Variants in COL6A6 observed in about 807,000 individuals in gnomAD.
COL6A6 encodes the protein collagen type VI alpha 6 chain.
In COL6A6, 183 loss-of-function variants were observed where a neutral mutation model predicts 208.6. The ratio of observed to expected loss-of-function variants is 0.88; its 90% CI spans 0.78 to 0.99. The LOEUF is 0.99. COL6A6 is among the 50% of genes least tolerant of loss of function. The pLI is 0.00. For missense variants in COL6A6, 2,816 were observed against 2,815.2 expected (o/e 1.00, Z -0.01); for synonymous variants, 973 against 1,011.8 (o/e 0.96, Z 0.73).
At chr3:130,611,774 C>T (rs1310017920) in intron 23 of COL6A6, among the ~76,000 whole-genome samples, 5 of 152,142 alleles carry the variant, frequency 3.3e-5, no homozygotes, top group African/African-American at 1.2e-4. Context: ...TATCTCATGA[C>T]ACTATTTTTT....
intron 32 of COL6A6, among the ~76,000 whole-genome samples, chr3:130,646,139 TATA>T (rs2065455777): frequency 6.6e-6 from 1 of 151,912 alleles, no homozygotes; most frequent in East Asian, 1.9e-4. Context: ...AAACTTAAAG[TATA>T]ATAATAATAA....
At position 130,593,191 on chromosome 3, in the gene COL6A6, T is replaced by C. The variant is rs1370790492; in HGVS notation, c.4417-8T>C. On this transcript the variant is annotated splice_region_variant and splice_polypyrimidine_tract_variant and intron_variant, in intron 16 of 36. Coordinates refer to ENST00000358511, the MANE Select transcript of COL6A6 (RefSeq NM_001102608.3). Reference sequence around the variant, plus strand: ...TTCTATTAATAGCTTTCCCTTCTTGTTTTTTAGGGTGATAATGGTCTTCCT... The same window carrying C: ...TTCTATTAATAGCTTTCCCTTCTTGCTTTTTAGGGTGATAATGGTCTTCCT... The C allele has an allele frequency of 1.2e-6, 2 of 1,612,806 alleles. No homozygotes were observed. The highest frequency in any genetic ancestry group is 3.3e-5 in the Admixed American group (2 of 60,012).
intron 28 of COL6A6, among the ~76,000 whole-genome samples, chr3:130,640,949 C>A (rs1252524903): frequency 6.6e-6 from 1 of 152,192 alleles, no homozygotes; most frequent in Non-Finnish European, 1.5e-5. Flanking sequence ...TCCTAGCAAT[C>A]TTCCCTAAGG....
At chr3:130,663,087 A>G (rs1328175145) in intron 35 of COL6A6, among the ~76,000 whole-genome samples, 3 of 152,182 alleles carry the variant, frequency 2.0e-5, no homozygotes, top group Non-Finnish European at 4.4e-5. Context: ...ACACAGGCAA[A>G]AGAGTACCCG....
At chr3:130,628,133 C>CCATCT (rs1444031609) in intron 26 of COL6A6, among the ~76,000 whole-genome samples, 4 of 151,918 alleles carry the variant, frequency 2.6e-5, no homozygotes, top group Admixed American at 6.6e-5. Context: ...ATGCAAGAGG[C>CCATCT]CATCTGGAAG....
rs576616768 is a variant in COL6A6, at chr3:130,584,909, C to T, written c.3971-1597C>T. 1.5e-4 allele frequency among the ~76,000 whole-genome samples: 23 copies of T among 152,208 alleles called. No individual in the cohort carries two copies. The East Asian group carries it at 3.1e-3, about 20-fold the overall frequency. ...GATTACAGGTGTGAGCCACCGCACC[C>T]GGCCTCTTTCTTTCTTCCACTGCAG... is the stretch of plus-strand genomic sequence containing the variant. On this transcript the variant is annotated intron_variant, in intron 10 of 36. Transcript: ENST00000358511.
At chr3:130,529,245 G>A (rs2062028991) in intron 1 of COL6A6, among the ~76,000 whole-genome samples, 1 of 143,962 alleles carries the variant, frequency 6.9e-6, no homozygotes, top group African/African-American at 2.6e-5. Flanking sequence ...ATGAAGGGGG[G>A]AAAAACACAG....
intron 13 of COL6A6, among the ~76,000 whole-genome samples, chr3:130,591,425 G>A (rs1021042721): frequency 1.7e-4 from 26 of 151,980 alleles, no homozygotes; most frequent in African/African-American, 5.6e-4. Context: ...GTGTATCAAG[G>A]ACCCCACTCT....
chr3:130,557,780 G>A lies in COL6A6; in HGVS notation c.-31-2554G>A, dbSNP rs146976278. ...GGAGCAGAAGTTTCTCTGAGACTCC[G>A]CGTTCTTAATAGCCCCAAGAGGTGT... On this transcript the variant is annotated intron_variant, in intron 1 of 36. Transcript: ENST00000358511. 2.0e-3 allele frequency among the ~76,000 whole-genome samples: 304 copies of A among 152,240 alleles called. 1 individual carries two copies. The highest frequency in any genetic ancestry group is 3.1e-3 in the Non-Finnish European group (214 of 68,016).
Position 130,647,622 on chromosome 3 carries a change from C to G in COL6A6, c.5240-1447C>G, listed in dbSNP as rs569421202. Among the ~76,000 whole-genome samples the G allele has an allele frequency of 2.6e-5, 4 of 152,318 alleles. No homozygotes were observed. In the South Asian group the frequency reaches 8.3e-4, roughly 32 times the overall value. The stretch of plus-strand genomic sequence containing the variant: ...CTTTTGCCTTTGAAGGACATGGAGT[C>G]AAGGACGGGAGGAGGTCATAGTTTA... On this transcript the variant is annotated intron_variant, in intron 32 of 36. Coordinates refer to ENST00000358511, the MANE Select transcript of COL6A6 (RefSeq NM_001102608.3).
chr3:130,570,850 TTTGTC>T lies in COL6A6; in HGVS notation c.2435_2439del (p.Phe812TyrfsTer2), dbSNP rs1450185641. ...GCGGATTGAAGTTTTAGACGTTGTG[TTTGTC>T]ATTGATAGCTCTGGCAGTATTGACT... On this transcript the variant is annotated frameshift_variant, in exon 7 of 37. Transcript: ENST00000358511. LOFTEE classifies it high-confidence loss of function. The T allele has an allele frequency of 6.2e-7, 1 of 1,613,506 alleles. No individual in the cohort carries two copies. The highest frequency in any genetic ancestry group is 1.7e-5 in the Admixed American group (1 of 60,000).
intron 1 of COL6A6, among the ~76,000 whole-genome samples, chr3:130,536,950 C>T (rs986886504): frequency 3.9e-5 from 6 of 152,168 alleles, no homozygotes; most frequent in Non-Finnish European, 7.3e-5. Flanking sequence ...AAGGTATTGA[C>T]GAATGGCTGG....
At chr3:130,577,210 T>G (rs1299459657) in intron 8 of COL6A6, among the ~76,000 whole-genome samples, 1 of 152,164 alleles carries the variant, frequency 6.6e-6, no homozygotes, top group Non-Finnish European at 1.5e-5. Flanking sequence ...CATTTATAAA[T>G]GTGGAAACTG....
upstream of COL6A6, among the ~76,000 whole-genome samples, chr3:130,517,153 A>G (rs1710778801): frequency 6.6e-6 from 1 of 152,074 alleles, no homozygotes; most frequent in Admixed American, 6.5e-5. Context: ...AAGCGTTTAT[A>G]TGTCGGCGAG....
rs1356081434 is a variant in COL6A6 at position 130,589,087 on chromosome 3, A to G, written c.4126-3A>G. ...TGTAATGTATTTCTTACCCTCTCCC[A>G]AGGTCAATGTTGCTGAAAGGACATG... On this transcript the variant is annotated splice_region_variant and splice_polypyrimidine_tract_variant and intron_variant, in intron 11 of 36. Coordinates refer to ENST00000358511, the MANE Select transcript of COL6A6 (RefSeq NM_001102608.3). 2.5e-6 allele frequency: 4 copies of G among 1,612,962 alleles called. No homozygotes were observed. The highest frequency in any genetic ancestry group is 3.3e-4 in the Middle Eastern group (2 of 6,056).
intron 1 of COL6A6, among the ~76,000 whole-genome samples, chr3:130,556,209 A>G (rs968284606): frequency 2.0e-5 from 3 of 152,250 alleles, no homozygotes; most frequent in African/African-American, 7.2e-5. Context: ...TGCAAAAGGC[A>G]TGATTTTTAT....
At chr3:130,615,649 A>G (rs2064494486) in intron 23 of COL6A6, among the ~76,000 whole-genome samples, 1 of 152,220 alleles carries the variant, frequency 6.6e-6, no homozygotes, top group South Asian at 2.1e-4. Context: ...GATGAAAATA[A>G]CTATTTCGCA....
chr3:130,641,695 C>T lies in COL6A6; in HGVS notation c.5135C>T (p.Pro1712Leu), dbSNP rs765218718. 6 of 1,597,324 alleles carry T rather than the reference C, an allele frequency of 3.8e-6. No individual in the cohort carries two copies. The highest frequency in any genetic ancestry group is 1.1e-5 in the South Asian group (1 of 89,912). ...GGAGAGATGGGATCCCCTGGGGAAC[C>T]AGGACCTCCTGGACGTAAGGTAAGT... Reference protein sequence around the residue: ...LPGEMGSPGEPGPPGRKGVKG... With the variant: ...LPGEMGSPGELGPPGRKGVKG... The change falls in exon 29 of 37, where the codon CCA becomes CTA. Residue 1712 changes from proline (P) to leucine (L), a missense_variant. By Grantham distance (98) the Pro-to-Leu change is moderately conservative (BLOSUM62 -3). Transcript: ENST00000358511.
chr3:130,613,265 T>C (rs1218038166), intron 23 of COL6A6, among the ~76,000 whole-genome samples: 1 of 152,218 alleles, frequency 6.6e-6, no homozygotes, highest in Non-Finnish European at 1.5e-5. Flanking sequence ...ATTTATTGAA[T>C]AGGGAGTCTT....
Sources: allele counts gnomAD v4.1 joint callset (sites outside exome capture counted in the v4.1 genomes callset), GRCh38; gene constraint gnomAD v4.1.1; transcripts MANE v1.5; gene names NCBI Gene and HGNC (gene_info 2026-07-23, HGNC 2026-07-21).